PLA2G5: variants seen among roughly 807,000 people sequenced by gnomAD.
PLA2G5 encodes Ca2+-dependent phospholipase A2.
A neutral mutation model predicts 15.9 loss-of-function variants in PLA2G5; 12 were observed. The observed-to-expected ratio is 0.76, with a 90% CI of 0.48 to 1.23. PLA2G5 has a LOEUF of 1.23. Among genes scored for constraint, PLA2G5 ranks in the 50% most tolerant of loss-of-function variants. The pLI is 0.00. For synonymous variants in PLA2G5, 71 were observed against 71.4 expected (o/e 0.99, Z 0.03); for missense variants, 169 against 177.1 (o/e 0.95, Z 0.26).
At chr1:20,050,359 ACTC>A (rs2014124139) in intron 1 of PLA2G5, among the ~76,000 whole-genome samples, 1 of 151,988 alleles carries the variant, frequency 6.6e-6, no homozygotes, top group African/African-American at 2.4e-5. Flanking sequence ...AAGCTAATCA[ACTC>A]CTCAAGGCCC....
At chr1:20,036,376 A>G (rs1270345183) in intron 1 of PLA2G5, among the ~76,000 whole-genome samples, 4 of 152,096 alleles carry the variant, frequency 2.6e-5, no homozygotes, top group Non-Finnish European at 4.4e-5. Context: ...CCAATTATTC[A>G]TTCTTAGGTT....
intron 1 of PLA2G5, among the ~76,000 whole-genome samples, chr1:20,047,961 C>A (rs950757431): frequency 6.6e-6 from 1 of 151,726 alleles, no homozygotes; most frequent in African/African-American, 2.4e-5. Flanking sequence ...CTAGGGTTAC[C>A]AATAATTTAT....
chr1:20,075,984 G>C (rs753098436), intron 1 of PLA2G5, among the ~76,000 whole-genome samples: 2 of 148,754 alleles, frequency 1.3e-5, no homozygotes, highest in Non-Finnish European at 3.0e-5. Flanking sequence ...CGATTCTCCT[G>C]CCTCAGCCTC....
rs10916697 is a variant in PLA2G5 at position 20,039,379 on chromosome 1, A to T, written n.276+10670A>T. Among the ~76,000 whole-genome samples, 3,176 of 152,310 alleles carry T rather than the reference A, an allele frequency of 0.021. 255 individuals are homozygous for T. The East Asian group carries it at 0.25, about 12-fold the overall frequency. ...TTCCTCAGGGTTTCTTCAAGCTTCCAAAAGCAATGTTATATCTGGCCCAGT... is the reference window on the plus strand; with the variant it reads ...TTCCTCAGGGTTTCTTCAAGCTTCCTAAAGCAATGTTATATCTGGCCCAGT... On this transcript the variant is annotated intron_variant and non_coding_transcript_variant, in intron 1 of 6. Transcript: ENST00000460175.
At chr1:20,071,193 G>C (rs918272086) in intron 1 of PLA2G5, among the ~76,000 whole-genome samples, 7 of 152,126 alleles carry the variant, frequency 4.6e-5, no homozygotes, top group African/African-American at 1.4e-4. Context: ...CTACCTCATA[G>C]GGTCACCCTA....
intron 1 of PLA2G5, among the ~76,000 whole-genome samples, chr1:20,074,074 T>G (rs2015533873): frequency 6.6e-6 from 1 of 152,040 alleles, no homozygotes; most frequent in African/African-American, 2.4e-5. Flanking sequence ...GGGTAGGTAG[T>G]CAGGGGAGGC....
At chr1:20,047,562 T>C (rs1053594597) in intron 1 of PLA2G5, among the ~76,000 whole-genome samples, 4 of 152,126 alleles carry the variant, frequency 2.6e-5, no homozygotes, top group Admixed American at 6.6e-5. Context: ...AAGTTCTCTT[T>C]TTTTCTCTAT....
At chr1:20,071,120 G>A (rs1033206366) in intron 1 of PLA2G5, among the ~76,000 whole-genome samples, 4 of 152,142 alleles carry the variant, frequency 2.6e-5, no homozygotes, top group Non-Finnish European at 4.4e-5. Context: ...GCACAGGTGT[G>A]AGTCATTTTT....
At chr1:20,035,298 CG>C (rs1268342894) in intron 1 of PLA2G5, among the ~76,000 whole-genome samples, 1 of 152,054 alleles carries the variant, frequency 6.6e-6, no homozygotes, top group Non-Finnish European at 1.5e-5. Context: ...AGGGGAGTTG[CG>C]GGGCATGGCC....
intron 1 of PLA2G5, among the ~76,000 whole-genome samples, chr1:20,031,070 G>A (rs983394730): frequency 6.6e-6 from 1 of 152,188 alleles, no homozygotes; most frequent in African/African-American, 2.4e-5. Context: ...GGAGATGAAG[G>A]CTGTTTGGTT....
chr1:20,078,287 A>G (rs751673043), intron 1 of PLA2G5, among the ~76,000 whole-genome samples: 124 of 152,200 alleles, frequency 8.1e-4, no homozygotes, highest in Non-Finnish European at 1.5e-3. Context: ...GGGATGACGA[A>G]GGGCAGCCTT....
chr1:20,088,900 A>T (rs2016429100), intron 3 of PLA2G5: 1 of 152,086 alleles, frequency 6.6e-6, no homozygotes, highest in Non-Finnish European at 1.5e-5. Context: ...TTCTGCACTC[A>T]GGTGATTCTC....
rs539788738 is a variant in PLA2G5, at chr1:20,054,746, T to G, written n.277-4886T>G. The G allele has an allele frequency of 3.9e-5, 6 of 152,282 alleles. No homozygotes were observed. In the East Asian group the frequency reaches 9.7e-4, roughly 25 times the overall value. 9.4% of individuals were successfully genotyped at this position (152,282 alleles called of 1,614,324 possible). Reference sequence around the variant, plus strand: ...TCTGCTGTTTCACAATTACACATATTGCTTTAGTCGGTGACCTGTACATAT... The same window carrying G: ...TCTGCTGTTTCACAATTACACATATGGCTTTAGTCGGTGACCTGTACATAT... On this transcript the variant is annotated intron_variant and non_coding_transcript_variant, in intron 1 of 6. Coordinates refer to the PLA2G5 transcript ENST00000460175.
upstream of PLA2G5, among the ~76,000 whole-genome samples, chr1:20,069,802 G>A (rs113309521): frequency 7.8e-3 from 1,180 of 152,256 alleles, 8 homozygotes; most frequent in Non-Finnish European, 0.012. Context: ...TGGGATTCTG[G>A]ATCGGAAAAA....
rs140034512 is a variant in PLA2G5 at position 20,061,337 on chromosome 1, C to T, written n.337+1645C>T. On this transcript the variant is annotated intron_variant and non_coding_transcript_variant, in intron 2 of 6. Coordinates refer to the PLA2G5 transcript ENST00000460175. ...TGGTGGCTCACACCTCTAATCCCAG[C>T]GCTTTGGGAGGCTGAGGCAGGAGGA... Among the ~76,000 whole-genome samples, 33 of 152,192 alleles carry T rather than the reference C, an allele frequency of 2.2e-4. 1 individual carries two copies. The highest frequency in any genetic ancestry group is 9.6e-4 in the East Asian group (5 of 5,184).
At chr1:20,040,396 A>T (rs1360872941) in intron 1 of PLA2G5, among the ~76,000 whole-genome samples, 2 of 152,134 alleles carry the variant, frequency 1.3e-5, no homozygotes, top group Non-Finnish European at 2.9e-5. Context: ...CTACTTTCTG[A>T]CACCACAAAA....
chr1:20,090,657 C>T lies in PLA2G5; in HGVS notation c.382C>T (p.Gln128Ter), dbSNP rs1390456842. 3 of 1,614,108 alleles carry T rather than the reference C, an allele frequency of 1.9e-6. No individual in the cohort carries two copies. Among genetic ancestry groups the T allele is most frequent in the South Asian group, 1.1e-5 (1 of 91,082 alleles). ...LKRNLRSYNP[Q>*]YQYFPNILCS ...GAGAAACCTACGGAGCTACAACCCACAGTACCAATACTTTCCCAACATCCT... is the reference window on the plus strand; with the variant it reads ...GAGAAACCTACGGAGCTACAACCCATAGTACCAATACTTTCCCAACATCCT... Residue 128 changes from glutamine to a stop codon, truncating the protein, a stop_gained, in exon 5 of 5, where the codon CAG becomes TAG. Coordinates refer to ENST00000375108, the MANE Select transcript of PLA2G5 (RefSeq NM_000929.3). LOFTEE classifies it high-confidence loss of function.
chr1:20,053,573 G>A (rs937754025), intron 1 of PLA2G5, among the ~76,000 whole-genome samples: 7 of 88,742 alleles, frequency 7.9e-5, no homozygotes, highest in South Asian at 3.8e-4. Context: ...TACTTTGCGG[G>A]GGGGGGGGTG....
At chr1:20,052,012 TG>T (rs2014200778) in intron 1 of PLA2G5, among the ~76,000 whole-genome samples, 1 of 152,118 alleles carries the variant, frequency 6.6e-6, no homozygotes, top group Non-Finnish European at 1.5e-5. Context: ...TAAAAGCCTA[TG>T]TAAAAAATAA....
Sources: gnomAD v4.1 joint callset for allele counts (sites outside exome capture counted in the v4.1 genomes callset) on GRCh38, gnomAD v4.1.1 for gene constraint, MANE v1.5 for transcripts, NCBI Gene and HGNC (gene_info 2026-07-23, HGNC 2026-07-21) for gene names.